The following FAM216A variants were observed in gnomAD, a reference collection of about 807,000 sequenced individuals.
FAM216A encodes protein FAM216A.
FAM216A carries 26 observed loss-of-function variants against 37.6 expected under a neutral mutation model. The observed-to-expected ratio is 0.69, with a 90% CI of 0.51 to 0.96. The LOEUF (loss-of-function observed/expected upper bound fraction) is 0.96. Among genes scored for constraint, FAM216A ranks in the 40% least tolerant of loss-of-function variants. FAM216A has a pLI of 0.00. For missense variants in FAM216A, 326 were observed against 339.3 expected (o/e 0.96, Z 0.31); for synonymous variants, 110 against 121.7 (o/e 0.90, Z 0.64).
chr12:110,468,609 G>A, upstream of FAM216A: 1 of 1,537,220 alleles, frequency 6.5e-7, no homozygotes, highest in Non-Finnish European at 8.7e-7. Flanking sequence ...ATACTGAAGT[G>A]GAAGGCACCT....
intron 1 of FAM216A, among the ~76,000 whole-genome samples, chr12:110,471,108 T>A (rs1454801957): frequency 2.0e-5 from 3 of 152,058 alleles, no homozygotes; most frequent in Admixed American, 2.0e-4. Flanking sequence ...TTCTTCTTTT[T>A]TTTTGAGATG....
At chr12:110,470,408 G>A (rs567029350) in intron 1 of FAM216A, among the ~76,000 whole-genome samples, 1 of 151,948 alleles carries the variant, frequency 6.6e-6, no homozygotes, top group East Asian at 1.9e-4. Context: ...TGGAGTCTTG[G>A]GTTTCTTTTC....
intron 2 of FAM216A, among the ~76,000 whole-genome samples, chr12:110,479,164 A>C (rs1393125354): frequency 7.6e-6 from 1 of 131,204 alleles, no homozygotes; most frequent in Non-Finnish European, 1.7e-5. Flanking sequence ...ACTCTGTCTC[A>C]AAAAAAAAAA....
intron 2 of FAM216A, among the ~76,000 whole-genome samples, chr12:110,480,394 G>A (rs1053075518): frequency 4.0e-5 from 6 of 151,642 alleles, no homozygotes; most frequent in South Asian, 2.1e-4. Context: ...TTCTAGAGAC[G>A]GGGTTTCACC....
chr12:110,475,069 G>A (rs1565850294), intron 2 of FAM216A, among the ~76,000 whole-genome samples: 1 of 152,022 alleles, frequency 6.6e-6, no homozygotes, highest in Non-Finnish European at 1.5e-5. Flanking sequence ...TATACACTTA[G>A]TTTACTTCAC....
chr12:110,480,930 C>A (rs1165960296), intron 2 of FAM216A, among the ~76,000 whole-genome samples: 4 of 152,088 alleles, frequency 2.6e-5, no homozygotes, highest in Non-Finnish European at 4.4e-5. Context: ...TCCCTATATA[C>A]CTCCTTTCCC....
chr12:110,487,882 T>G lies in FAM216A; in HGVS notation c.642T>G (p.Ser214=), dbSNP rs1161859102. Residue 214 remains serine, a synonymous_variant, in exon 6 of 7, where the codon TCT becomes TCG. Coordinates refer to ENST00000377673, the MANE Select transcript of FAM216A (RefSeq NM_013300.3). ...NKEGIKTGYA[S]KTRCKSLKIF... Reference sequence around the variant, plus strand: ...ATAGGATAAAAACTGGATATGCATCTAAAACAAGATGTAAGTCACTGAAGA... The same window carrying G: ...ATAGGATAAAAACTGGATATGCATCGAAAACAAGATGTAAGTCACTGAAGA... 5 of 1,605,178 alleles carry G rather than the reference T, an allele frequency of 3.1e-6. No homozygotes were observed. Among genetic ancestry groups the G allele is most frequent in the Non-Finnish European group, 4.3e-6 (5 of 1,173,690 alleles).
intron 2 of FAM216A, among the ~76,000 whole-genome samples, chr12:110,475,208 C>T (rs540125096): frequency 3.9e-5 from 6 of 152,216 alleles, no homozygotes; most frequent in African/African-American, 7.2e-5. Context: ...AAAATAAACA[C>T]GATAGCCAAC....
chr12:110,490,055 A>G lies in FAM216A; in HGVS notation c.740A>G (p.Glu247Gly). Residue 247 changes from glutamate to glycine, a missense_variant, in exon 7 of 7, where the codon GAA becomes GGA. Glu to Gly is a moderately conservative substitution (Grantham distance 98). Transcript: ENST00000377673. ...GATTCTGAATCACACATGAGTGAAG[A>G]AAAAAAGGAAGAAGATTTACTAAAT... Reference protein sequence around the residue: ...SDDSESHMSEEKKEEDLLNNF... With the variant: ...SDDSESHMSEGKKEEDLLNNF... 6.5e-7 allele frequency: 1 copy of G among 1,535,126 alleles called. No individual in the cohort carries two copies. The highest frequency in any genetic ancestry group is 9.0e-7 in the Non-Finnish European group (1 of 1,109,074).
intron 2 of FAM216A, among the ~76,000 whole-genome samples, chr12:110,481,764 G>A (rs2062748212): frequency 6.6e-6 from 1 of 152,006 alleles, no homozygotes; most frequent in Non-Finnish European, 1.5e-5. Context: ...CAGAAATATT[G>A]TTTATTAAGG....
At chr12:110,471,563 T>C (rs146626349) in intron 1 of FAM216A, among the ~76,000 whole-genome samples, 45 of 152,256 alleles carry the variant, frequency 3.0e-4, no homozygotes, top group Non-Finnish European at 5.9e-4. Flanking sequence ...CCTTATAAAG[T>C]CAACCTTTGA....
intron 2 of FAM216A, among the ~76,000 whole-genome samples, chr12:110,475,719 G>C (rs1451797946): frequency 7.6e-6 from 1 of 131,944 alleles, no homozygotes; most frequent in Non-Finnish European, 1.6e-5. Flanking sequence ...CTTCACCCCT[G>C]GCAAAAAAAA....
At position 110,486,079 on chromosome 12, in the gene FAM216A, T is replaced by C. The variant is rs139583358; in HGVS notation, c.307-246T>C. 2.7e-3 allele frequency among the ~76,000 whole-genome samples: 407 copies of C among 152,356 alleles called. 4 individuals carry two copies. The highest frequency in any genetic ancestry group is 0.021 in the South Asian group (101 of 4,832). ...AACAGCAGATTCGCTCTTTCCTTGT[T>C]CATCTAGAGCAATGGGTTCTCCGAC... On this transcript the variant is annotated intron_variant, in intron 3 of 6. Coordinates refer to ENST00000377673, the MANE Select transcript of FAM216A (RefSeq NM_013300.3).
At chr12:110,486,123 C>A (rs1445980374) in intron 3 of FAM216A, among the ~76,000 whole-genome samples, 2 of 152,204 alleles carry the variant, frequency 1.3e-5, no homozygotes, top group Non-Finnish European at 2.9e-5. Context: ...GCATCTGAAT[C>A]ACCCGAGTGG....
upstream of FAM216A, chr12:110,468,651 T>C (rs2062656072): frequency 6.5e-7 from 1 of 1,536,990 alleles, no homozygotes; most frequent in Admixed American, 2.0e-5. Context: ...ATTTCCCTCC[T>C]GTGACGCACT....
intron 2 of FAM216A, among the ~76,000 whole-genome samples, chr12:110,480,127 G>T (rs1278639770): frequency 2.0e-5 from 3 of 149,292 alleles, no homozygotes; most frequent in African/African-American, 4.9e-5. Context: ...CTGAGTTCAA[G>T]CGATTCTCCT....
At chr12:110,482,878 G>C (rs994798386) in intron 2 of FAM216A, among the ~76,000 whole-genome samples, 1 of 151,596 alleles carries the variant, frequency 6.6e-6, no homozygotes, top group Non-Finnish European at 1.5e-5. Flanking sequence ...AAAATCGTTA[G>C]GTTGAGTGAA....
intron 2 of FAM216A, among the ~76,000 whole-genome samples, chr12:110,482,615 G>A (rs12833608): frequency 6.6e-6 from 1 of 151,422 alleles, no homozygotes; most frequent in Non-Finnish European, 1.5e-5. Flanking sequence ...CTAACATGGT[G>A]AAACCCCGTC....
At chr12:110,479,343 A>G (rs927099536) in intron 2 of FAM216A, among the ~76,000 whole-genome samples, 1 of 151,992 alleles carries the variant, frequency 6.6e-6, no homozygotes, top group African/African-American at 2.4e-5. Context: ...ATACATATCT[A>G]TTTCAATATT....
Sources: allele counts gnomAD v4.1 joint callset (sites outside exome capture counted in the v4.1 genomes callset), GRCh38; gene constraint gnomAD v4.1.1; transcripts MANE v1.5; gene names NCBI Gene and HGNC (gene_info 2026-07-23, HGNC 2026-07-21).